Variants in RRM2 observed in about 807,000 individuals in gnomAD.
RRM2 encodes the protein ribonucleotide reductase regulatory subunit M2.
Under a neutral mutation model 45.9 loss-of-function variants are expected in RRM2, and 6 were observed. The ratio of observed to expected loss-of-function variants is 0.13; its 90% CI spans 0.07 to 0.26. RRM2 has a LOEUF of 0.26. Among genes scored for constraint, RRM2 ranks in the 10% least tolerant of loss-of-function variants. The probability of loss-of-function intolerance (pLI) is 1.00; values close to 1 mark genes in which losing one functional copy is unlikely to be tolerated. For missense variants in RRM2, 343 were observed against 489.5 expected, an observed-to-expected ratio of 0.70 and a Z score of 2.82; for synonymous variants, 177 against 173.0, an observed-to-expected ratio of 1.02 and a Z score of -0.18.
intron 3 of RRM2, among the ~76,000 whole-genome samples, chr2:10,193,429 C>T (rs956350734): frequency 2.6e-5 from 4 of 152,340 alleles, no homozygotes; most frequent in South Asian, 2.1e-4. Context: ...CAGCTTTCCA[C>T]GGGGCTGGGT....
At chr2:10,209,142 C>T (rs1407403246) in intron 3 of RRM2, among the ~76,000 whole-genome samples, 1 of 150,900 alleles carries the variant, frequency 6.6e-6, no homozygotes, top group East Asian at 1.9e-4. Context: ...ACTGCAACCT[C>T]TGCCTCCTGG....
At chr2:10,200,428 A>G (rs1664527464) in intron 3 of RRM2, among the ~76,000 whole-genome samples, 1 of 138,104 alleles carries the variant, frequency 7.2e-6, no homozygotes, top group Non-Finnish European at 1.6e-5. Flanking sequence ...GCCCACAGGG[A>G]CCGCGCGCGC....
At chr2:10,187,496 G>T (rs965664475) in intron 3 of RRM2, among the ~76,000 whole-genome samples, 14 of 152,238 alleles carry the variant, frequency 9.2e-5, no homozygotes, top group African/African-American at 3.4e-4. Flanking sequence ...CAGCTGTCTT[G>T]TTTTCAGCAG....
At chr2:10,192,615 C>T (rs1318418299) in intron 3 of RRM2, 1 of 154,646 alleles carries the variant, frequency 6.5e-6, no homozygotes, top group African/African-American at 2.4e-5. Context: ...CTCGCTGGGG[C>T]TGGTCTCCTG....
chr2:10,137,630 A>G (rs538603171), upstream of RRM2, among the ~76,000 whole-genome samples: 1 of 152,370 alleles, frequency 6.6e-6, no homozygotes, highest in South Asian at 2.1e-4. Flanking sequence ...GTCTAGGGAC[A>G]GGTACTCACA....
intron 3 of RRM2, among the ~76,000 whole-genome samples, chr2:10,147,557 C>G (rs1265934472): frequency 6.6e-6 from 1 of 152,208 alleles, no homozygotes; most frequent in African/African-American, 2.4e-5. Context: ...AGCCACCACG[C>G]CCGGCTAGAG....
chr2:10,134,541 A>G (rs186345564), downstream of RRM2, among the ~76,000 whole-genome samples: 1 of 152,336 alleles, frequency 6.6e-6, no homozygotes, highest in Admixed American at 6.5e-5. Context: ...AGATAAATTA[A>G]TCCCCAGTAT....
intron 3 of RRM2, among the ~76,000 whole-genome samples, chr2:10,167,019 G>A (rs1389732454): frequency 6.6e-6 from 1 of 152,206 alleles, no homozygotes; most frequent in African/African-American, 2.4e-5. Flanking sequence ...CAGATGCTTT[G>A]AGAACACGGC....
chr2:10,208,152 A>T (rs976231698), intron 3 of RRM2, among the ~76,000 whole-genome samples: 6 of 152,202 alleles, frequency 3.9e-5, no homozygotes, highest in Non-Finnish European at 8.8e-5. Context: ...GAGGCAGAGC[A>T]GGGGCTTTTT....
chr2:10,179,964 T>C (rs1664009988), intron 3 of RRM2, among the ~76,000 whole-genome samples: 1 of 152,156 alleles, frequency 6.6e-6, no homozygotes, highest in African/African-American at 2.4e-5. Flanking sequence ...TAGAGCCACC[T>C]CCTCGGGAAG....
At chr2:10,141,746 C>G in intron 1 of RRM2, 1 of 1,478,824 alleles carries the variant, frequency 6.8e-7, no homozygotes, top group Non-Finnish European at 9.1e-7. Context: ...GTTCCAAGCA[C>G]GGGAAACAGA....
intron 3 of RRM2, among the ~76,000 whole-genome samples, chr2:10,202,647 G>C (rs1664589221): frequency 6.6e-6 from 1 of 151,500 alleles, no homozygotes; most frequent in African/African-American, 2.4e-5. Flanking sequence ...TTTCTGGTTG[G>C]AGACAGGTTT....
intron 7 of RRM2, among the ~76,000 whole-genome samples, chr2:10,128,035 C>T (rs569877966): frequency 2.5e-4 from 38 of 151,964 alleles, no homozygotes; most frequent in East Asian, 1.8e-3. Context: ...GTATGGTGGA[C>T]GTGCCTATTG....
rs1286838246 is a variant in RRM2, at chr2:10,171,711, G to A, written n.482+29336G>A. Among the ~76,000 whole-genome samples, 3 of 152,314 alleles carry A rather than the reference G, an allele frequency of 2.0e-5. No individual in the cohort carries two copies. The highest frequency in any genetic ancestry group is 2.4e-5 in the African/African-American group (1 of 41,556). ...GCATAGGGAGCCGAGCAGGGCAGCC[G>A]GGCAGAGGCAGGAATGAATCCTACT... On this transcript the variant is annotated intron_variant and non_coding_transcript_variant, in intron 3 of 3. Transcript: ENST00000381786. This position sits in a 1 kb window ranked among gnomAD's most constrained non-coding sequence, Gnocchi z 4.1.
Position 10,124,704 on chromosome 2 carries a change from G to C in RRM2, c.436-13G>C. On this transcript the variant is annotated splice_polypyrimidine_tract_variant and intron_variant, in intron 4 of 9. Transcript: ENST00000304567. ...TTTTTCTCAAGCTTAACTTTGATGTGTTTTGCCACTAGGTGGAGCGATTTA... is the reference window on the plus strand; with the variant it reads ...TTTTTCTCAAGCTTAACTTTGATGTCTTTTGCCACTAGGTGGAGCGATTTA... 2 of 1,611,166 alleles carry C rather than the reference G, an allele frequency of 1.2e-6. No homozygotes were observed. The highest frequency in any genetic ancestry group is 1.7e-6 in the Non-Finnish European group (2 of 1,179,678).
Position 10,184,194 on chromosome 2 carries a change from T to A in RRM2, n.483-26117T>A, listed in dbSNP as rs1572523423. ...TCTGGCTTGGGGAGACAAAGCTTGG[T>A]AACATCAGGACTGCAAACATCCTGC... On this transcript the variant is annotated intron_variant and non_coding_transcript_variant, in intron 3 of 3. Coordinates refer to the RRM2 transcript ENST00000381786. 6.0e-5 allele frequency among the ~76,000 whole-genome samples: 9 copies of A among 149,068 alleles called. No individual in the cohort carries two copies. In the South Asian group the frequency reaches 1.7e-3, roughly 28 times the overall value.
chr2:10,166,948 G>C (rs12616594), intron 3 of RRM2, among the ~76,000 whole-genome samples: 1 of 152,112 alleles, frequency 6.6e-6, no homozygotes, highest in African/African-American at 2.4e-5. Flanking sequence ...GTGTCTGTAC[G>C]TGCCACTTAT....
In RRM2 at chr2:10,129,450, T is replaced by C; in HGVS notation, c.*64T>C. On this transcript the variant is annotated 3_prime_UTR_variant, in exon 10 of 10. Transcript: ENST00000304567. This position sits in a 1 kb window ranked among gnomAD's most constrained non-coding sequence, Gnocchi z 4.8. ...TTTCCATCTCATAAGAAAAATCAGC[T>C]GAAGTGTTACCAACTAGCCACACCA... 1.3e-6 allele frequency: 2 copies of C among 1,528,618 alleles called. No homozygotes were observed. The allele number at this position is 1,528,618 out of a possible 1,614,324, so 94.7% of individuals were successfully genotyped here. A position where few individuals can be genotyped will look rare whatever the true frequency, so the allele number is the denominator to read the frequency against.
chr2:10,203,415 C>T (rs1195725007), intron 3 of RRM2, among the ~76,000 whole-genome samples: 1 of 152,146 alleles, frequency 6.6e-6, no homozygotes, highest in Non-Finnish European at 1.5e-5. Context: ...ACAATAGTGG[C>T]ACCTACGCAT....
Sources: allele counts gnomAD v4.1 joint callset (sites outside exome capture counted in the v4.1 genomes callset), GRCh38; gene constraint gnomAD v4.1.1; non-coding constraint Gnocchi (gnomAD v3.1); transcripts MANE v1.5; gene names NCBI Gene and HGNC (gene_info 2026-07-23, HGNC 2026-07-21).